The following FNDC3B variants were observed in gnomAD, a reference collection of about 807,000 sequenced individuals.
The protein encoded by FNDC3B is fibronectin type III domain containing 3B.
Under a neutral mutation model 151.5 loss-of-function variants are expected in FNDC3B, and 12 were observed. That is an observed-to-expected ratio of 0.08 (90% CI 0.05 to 0.13). FNDC3B has a LOEUF of 0.13. Ranked by LOEUF, FNDC3B falls within the 10% of genes least tolerant of loss-of-function variation. The pLI is 1.00. For synonymous variants in FNDC3B, 528 were observed against 549.0 expected, an observed-to-expected ratio of 0.96 and a Z score of 0.54; for missense variants, 1,214 against 1,505.3, an observed-to-expected ratio of 0.81 and a Z score of 3.20.
At chr3:172,120,740 C>T (rs564585990) in intron 2 of FNDC3B, among the ~76,000 whole-genome samples, 234 of 152,036 alleles carry the variant, frequency 1.5e-3, no homozygotes, top group Middle Eastern at 0.01. Context: ...TTTGGGAGGC[C>T]GAGGCGGGTG....
intron 3 of FNDC3B, among the ~76,000 whole-genome samples, chr3:172,156,028 T>C (rs1335340780): frequency 6.6e-6 from 1 of 152,216 alleles, no homozygotes; most frequent in African/African-American, 2.4e-5. Flanking sequence ...TAAATGGTTT[T>C]GGTAAATGTA....
At chr3:172,239,776 A>C (rs1464536795) in intron 4 of FNDC3B, among the ~76,000 whole-genome samples, 2 of 76,550 alleles carry the variant, frequency 2.6e-5, no homozygotes, top group Non-Finnish European at 4.6e-5. Context: ...TAGCTAAGAC[A>C]AAAAAAAAAA....
Position 172,115,139 on chromosome 3 carries a change from C to G in FNDC3B, c.111+2549C>G, listed in dbSNP as rs1196492683. Among the ~76,000 whole-genome samples, 6 of 152,326 alleles carry G rather than the reference C, an allele frequency of 3.9e-5. 1 individual carries two copies. The East Asian group carries it at 1.2e-3, about 29-fold the overall frequency. On this transcript the variant is annotated intron_variant, in intron 2 of 25. Coordinates refer to ENST00000415807, the MANE Select transcript of FNDC3B (RefSeq NM_022763.4). The stretch of plus-strand genomic sequence containing the variant: ...CTCTGTGCTTGACATTTTTCTTCCT[C>G]ATTCTGCTCCCAGAGTCTCCATCCT...
intron 7 of FNDC3B, among the ~76,000 whole-genome samples, chr3:172,293,465 T>C (rs1386280992): frequency 6.6e-6 from 1 of 152,220 alleles, no homozygotes; most frequent in Non-Finnish European, 1.5e-5. Context: ...TTCCCTAGAT[T>C]TTTTATTCAA....
chr3:172,218,380 T>C (rs111989560), intron 3 of FNDC3B, among the ~76,000 whole-genome samples: 52 of 152,150 alleles, frequency 3.4e-4, no homozygotes, highest in Admixed American at 7.9e-4. Flanking sequence ...ATCGTGAAGA[T>C]ACTACATTTT....
chr3:172,390,806 C>G lies in FNDC3B; in HGVS notation c.3304-6358C>G, dbSNP rs548715942. 2.0e-5 allele frequency among the ~76,000 whole-genome samples: 3 copies of G among 152,178 alleles called. No individual in the cohort carries two copies. The South Asian group carries it at 6.2e-4, about 32-fold the overall frequency. On this transcript the variant is annotated intron_variant, in intron 25 of 25. Transcript: ENST00000415807. Reference sequence around the variant, plus strand: ...GAGGCCACATCACAAAAACACTGTCCAGGTCTTTGCTTGGCAGAAACTGAG... The same window carrying G: ...GAGGCCACATCACAAAAACACTGTCGAGGTCTTTGCTTGGCAGAAACTGAG...
At chr3:172,379,056 T>G (rs1303817545) in intron 24 of FNDC3B, among the ~76,000 whole-genome samples, 1 of 152,234 alleles carries the variant, frequency 6.6e-6, no homozygotes, top group Admixed American at 6.5e-5. Flanking sequence ...ACACTCTGCC[T>G]GGACCCTTCT....
intron 3 of FNDC3B, among the ~76,000 whole-genome samples, chr3:172,150,036 C>T (rs568752026): frequency 1.3e-5 from 2 of 151,890 alleles, no homozygotes; most frequent in Non-Finnish European, 2.9e-5. Context: ...CCAGGCTGGT[C>T]TCGAACTCCT....
intron 3 of FNDC3B, among the ~76,000 whole-genome samples, chr3:172,191,008 G>A (rs1027383820): frequency 1.3e-5 from 2 of 152,164 alleles, no homozygotes; most frequent in Non-Finnish European, 2.9e-5. Flanking sequence ...ATTGAAGAAA[G>A]AACTTGAAAT....
intron 25 of FNDC3B, among the ~76,000 whole-genome samples, chr3:172,395,345 A>G (rs1418275580): frequency 6.6e-6 from 1 of 152,156 alleles, no homozygotes; most frequent in Non-Finnish European, 1.5e-5. Flanking sequence ...ATTTTGCTAG[A>G]AGAACCTTGT....
Position 172,380,855 on chromosome 3 carries a change from A to G in FNDC3B, c.3176-111A>G, listed in dbSNP as rs1052160727. Reference sequence around the variant, plus strand: ...GGCAAATCAGCTCCTCTCTCAGGGCAAACACAGGCACAATCTTGCTCTCTC... The same window carrying G: ...GGCAAATCAGCTCCTCTCTCAGGGCGAACACAGGCACAATCTTGCTCTCTC... On this transcript the variant is annotated intron_variant, in intron 24 of 25. Coordinates refer to ENST00000415807, the MANE Select transcript of FNDC3B (RefSeq NM_022763.4). 8.6e-6 allele frequency: 11 copies of G among 1,283,588 alleles called. No homozygotes were observed. The African/African-American group carries it at 1.6e-4, about 19-fold the overall frequency. The allele number at this position is 1,283,588 out of a possible 1,614,324, so 79.5% of individuals were successfully genotyped here.
At position 172,352,835 on chromosome 3, in the gene FNDC3B, T is replaced by C. The variant is rs542190986; in HGVS notation, c.2547T>C (p.Ser849=). The C allele has an allele frequency of 6.2e-7, 1 of 1,614,126 alleles. No individual in the cohort carries two copies. The highest frequency in any genetic ancestry group is 1.1e-5 in the South Asian group (1 of 91,080). ...AFNQAGAGPY[S]ELVLCQTPAS... Reference sequence around the variant, plus strand: ...ATCAAGCAGGGGCAGGGCCGTACAGTGAACTTGTCCTTTGCCAGACGCCAG... The same window carrying C: ...ATCAAGCAGGGGCAGGGCCGTACAGCGAACTTGTCCTTTGCCAGACGCCAG... Residue 849 remains serine (S), a synonymous_variant, in exon 22 of 26, where the codon AGT becomes AGC. Transcript: ENST00000415807. The surrounding 1 kb of genome is among the most constrained non-coding windows in gnomAD (Gnocchi z 4.2).
intron 3 of FNDC3B, among the ~76,000 whole-genome samples, chr3:172,146,279 A>C (rs1355710532): frequency 6.6e-6 from 1 of 152,202 alleles, no homozygotes; most frequent in Non-Finnish European, 1.5e-5. Flanking sequence ...TGAGTGACAT[A>C]GTTCTTGAAT....
intron 1 of FNDC3B, among the ~76,000 whole-genome samples, chr3:172,046,485 TG>T (rs140087039): frequency 0.035 from 5,390 of 151,900 alleles, 263 homozygotes; most frequent in African/African-American, 0.11. Context: ...GCCTGGCTAA[TG>T]TTTTTTTTTT....
In FNDC3B at chr3:172,401,318, C is replaced by T. The variant is rs1736569132; in HGVS notation, c.*3843C>T. On this transcript the variant is annotated 3_prime_UTR_variant, in exon 26 of 26. Coordinates refer to ENST00000415807, the MANE Select transcript of FNDC3B (RefSeq NM_022763.4). Reference sequence around the variant, plus strand: ...TGGCCTTCTGCAGAGACAGCAGCAGCTCAGCTCTTGCTGACCAAGGCCTTG... The same window carrying T: ...TGGCCTTCTGCAGAGACAGCAGCAGTTCAGCTCTTGCTGACCAAGGCCTTG... 1 of 152,218 alleles carries T rather than the reference C, an allele frequency of 6.6e-6. No homozygotes were observed. Among genetic ancestry groups the T allele is most frequent in the East Asian group, 1.9e-4 (1 of 5,194 alleles). 9.4% of individuals were successfully genotyped at this position (152,218 alleles called of 1,614,324 possible). A position where few individuals can be genotyped will look rare whatever the true frequency, so the allele number is the denominator to read the frequency against.
chr3:172,222,121 A>T (rs983270263), intron 3 of FNDC3B, among the ~76,000 whole-genome samples: 6 of 152,226 alleles, frequency 3.9e-5, no homozygotes, highest in Non-Finnish European at 2.9e-5. Context: ...TAAATCAATT[A>T]GGAAAAAATG....
chr3:172,327,982 A>T (rs6795618), intron 11 of FNDC3B, among the ~76,000 whole-genome samples: 52,233 of 152,088 alleles, frequency 0.34, 10,166 homozygotes, highest in African/African-American at 0.52. Context: ...TTGCATGAAC[A>T]TGGATAAGAT....
chr3:172,093,282 G>T (rs1205419535), intron 1 of FNDC3B, among the ~76,000 whole-genome samples: 1 of 145,690 alleles, frequency 6.9e-6, no homozygotes, highest in African/African-American at 2.5e-5. Context: ...TTTTTGAGAC[G>T]GAGTCTTGCT....
At chr3:172,395,992 T>C (rs1736256837) in intron 25 of FNDC3B, among the ~76,000 whole-genome samples, 1 of 152,198 alleles carries the variant, frequency 6.6e-6, no homozygotes, top group Admixed American at 6.5e-5. Flanking sequence ...AACTGTTTCT[T>C]GTGAAGTTAA....
Sources: gnomAD v4.1 joint callset for allele counts (sites outside exome capture counted in the v4.1 genomes callset) on GRCh38, gnomAD v4.1.1 for gene constraint, Gnocchi (gnomAD v3.1) non-coding constraint, MANE v1.5 for transcripts, NCBI Gene and HGNC (gene_info 2026-07-23, HGNC 2026-07-21) for gene names.